ZCCHC17: variants seen among roughly 807,000 people sequenced by gnomAD.
ZCCHC17 encodes zinc finger CCHC domain-containing protein 17.
In ZCCHC17, 18 loss-of-function variants were observed where a neutral mutation model predicts 30.6. That is an observed-to-expected ratio of 0.59 (90% CI 0.41 to 0.87). ZCCHC17 has a LOEUF of 0.87. ZCCHC17 is among the 40% of genes least tolerant of loss of function. ZCCHC17 has a pLI of 0.00. For synonymous variants in ZCCHC17, 88 were observed against 92.4 expected, an observed-to-expected ratio of 0.95 and a Z score of 0.27; for missense variants, 263 against 284.2, an observed-to-expected ratio of 0.93 and a Z score of 0.54.
intron 3 of ZCCHC17, among the ~76,000 whole-genome samples, chr1:31,321,124 C>G (rs1219646668): frequency 6.6e-6 from 1 of 152,060 alleles, no homozygotes; most frequent in Non-Finnish European, 1.5e-5. Context: ...TGTCCTCACC[C>G]AAATCTCATC....
In ZCCHC17 at chr1:31,364,780, C is replaced by T. The variant is rs1233709910; in HGVS notation, c.*587C>T. 6.5e-6 allele frequency: 1 copy of T among 152,998 alleles called. No homozygotes were observed. The highest frequency in any genetic ancestry group is 1.5e-5 in the Non-Finnish European group (1 of 68,366). 9.5% of individuals were successfully genotyped at this position (152,998 alleles called of 1,614,324 possible). The stretch of plus-strand genomic sequence containing the variant: ...AGCTAGAAAACAGTCTGCAGTGTGA[C>T]TTAACTTGTGTATTGCATTCCAGCA... On this transcript the variant is annotated 3_prime_UTR_variant, in exon 8 of 8. Coordinates refer to ENST00000344147, the MANE Select transcript of ZCCHC17 (RefSeq NM_016505.4).
intron 1 of ZCCHC17, among the ~76,000 whole-genome samples, chr1:31,305,880 G>C (rs1221754521): frequency 6.6e-6 from 1 of 152,160 alleles, no homozygotes; most frequent in African/African-American, 2.4e-5. Context: ...TTACTTTCCT[G>C]AAATTGTAAA....
intron 5 of ZCCHC17, among the ~76,000 whole-genome samples, chr1:31,341,589 A>G (rs1639049538): frequency 6.6e-6 from 1 of 152,202 alleles, no homozygotes; most frequent in Admixed American, 6.5e-5. Context: ...GTTGTAAATT[A>G]TGTCTATAGC....
chr1:31,331,384 G>A (rs1305261906), intron 3 of ZCCHC17, among the ~76,000 whole-genome samples: 1 of 151,982 alleles, frequency 6.6e-6, no homozygotes, highest in African/African-American at 2.4e-5. Flanking sequence ...GACTTCAAGT[G>A]ATCCGCCCAC....
chr1:31,361,786 A>ATTAT (rs3049344), intron 7 of ZCCHC17, among the ~76,000 whole-genome samples: 26,123 of 145,708 alleles, frequency 0.18, 2,694 homozygotes, highest in East Asian at 0.33. Flanking sequence ...AGAGGGGGAG[A>ATTAT]TTATTTATTT....
chr1:31,363,998 C>T (rs1238439852), intron 7 of ZCCHC17, 34 bp from the exon 8 acceptor site: 1 of 1,607,514 alleles, frequency 6.2e-7, no homozygotes, highest in Non-Finnish European at 8.5e-7. Flanking sequence ...CAAATATACA[C>T]ATACAGTGTT....
At chr1:31,340,538 A>C (rs2148457638) in intron 5 of ZCCHC17, among the ~76,000 whole-genome samples, 1 of 152,066 alleles carries the variant, frequency 6.6e-6, no homozygotes, top group East Asian at 1.9e-4. Flanking sequence ...GCTGGTCTTG[A>C]ACTCCCGACC....
intron 3 of ZCCHC17, among the ~76,000 whole-genome samples, chr1:31,323,597 A>T (rs940723209): frequency 4.6e-5 from 7 of 152,214 alleles, no homozygotes; most frequent in Non-Finnish European, 4.4e-5. Context: ...CTGGGATTCC[A>T]GGCGTGAGCC....
intron 3 of ZCCHC17, among the ~76,000 whole-genome samples, chr1:31,321,978 T>C (rs1311415114): frequency 6.6e-6 from 1 of 152,188 alleles, no homozygotes; most frequent in Admixed American, 6.5e-5. Context: ...GAAGGATCCT[T>C]GTGGTGAGGG....
intron 3 of ZCCHC17, among the ~76,000 whole-genome samples, chr1:31,329,414 T>C (rs956313398): frequency 6.6e-6 from 1 of 152,180 alleles, no homozygotes; most frequent in Admixed American, 6.5e-5. Flanking sequence ...TGAGAACAGA[T>C]TTTTCAACAT....
intron 1 of ZCCHC17, among the ~76,000 whole-genome samples, chr1:31,306,282 T>C (rs1646453767): frequency 6.6e-6 from 1 of 152,172 alleles, no homozygotes. Flanking sequence ...CCAGCATTAC[T>C]ACTCTGCTTC....
chr1:31,355,638 A>G (rs989988723), intron 7 of ZCCHC17, among the ~76,000 whole-genome samples: 3 of 152,296 alleles, frequency 2.0e-5, no homozygotes, highest in Admixed American at 1.3e-4. Context: ...TTAACTCTTC[A>G]ATTATTCATT....
chr1:31,343,640 CTT>C (rs1005329338), intron 5 of ZCCHC17, among the ~76,000 whole-genome samples: 32 of 151,018 alleles, frequency 2.1e-4, no homozygotes, highest in African/African-American at 7.5e-4. Flanking sequence ...AAAGTACAGT[CTT>C]TTTCTTTTTT....
At chr1:31,322,821 A>C (rs1646891257) in intron 3 of ZCCHC17, among the ~76,000 whole-genome samples, 1 of 151,916 alleles carries the variant, frequency 6.6e-6, no homozygotes, top group South Asian at 2.1e-4. Flanking sequence ...TTCCGGGTTC[A>C]AGCGTTTCTC....
chr1:31,333,025 A>G (rs578045029), intron 3 of ZCCHC17: 2 of 152,286 alleles, frequency 1.3e-5, no homozygotes, highest in East Asian at 1.9e-4. Context: ...TTTGCACGTA[A>G]TGGACCTTAA....
chr1:31,341,830 G>A (rs570285117), intron 5 of ZCCHC17, among the ~76,000 whole-genome samples: 1 of 152,296 alleles, frequency 6.6e-6, no homozygotes, highest in East Asian at 1.9e-4. Context: ...TTCATGTCTA[G>A]TCTATGGTAG....
At chr1:31,334,573 AC>A (rs1475710071) in intron 3 of ZCCHC17, among the ~76,000 whole-genome samples, 1 of 152,092 alleles carries the variant, frequency 6.6e-6, no homozygotes, top group African/African-American at 2.4e-5. Context: ...GAAAAGGTTA[AC>A]TTGTAATACT....
intron 4 of ZCCHC17, among the ~76,000 whole-genome samples, chr1:31,338,038 C>T (rs1430888443): frequency 5.3e-5 from 8 of 152,036 alleles, no homozygotes; most frequent in South Asian, 2.1e-4. Flanking sequence ...GGTGCCATCA[C>T]GGCTCACTGC....
intron 5 of ZCCHC17, among the ~76,000 whole-genome samples, chr1:31,344,430 T>G (rs1276974232): frequency 6.6e-6 from 1 of 152,242 alleles, no homozygotes; most frequent in Non-Finnish European, 1.5e-5. Flanking sequence ...TACATAATTA[T>G]TACTATCACT....
Sources: gnomAD v4.1 joint callset for allele counts (sites outside exome capture counted in the v4.1 genomes callset) on GRCh38, gnomAD v4.1.1 for gene constraint, MANE v1.5 for transcripts, NCBI Gene and HGNC (gene_info 2026-07-23, HGNC 2026-07-21) for gene names.